NLRC4: variants seen among roughly 807,000 people sequenced by gnomAD.
NLRC4 encodes NLR family CARD domain-containing protein 4.
NLRC4 carries 63 observed loss-of-function variants against 79.9 expected under a neutral mutation model. The ratio of observed to expected loss-of-function variants is 0.79; its 90% CI spans 0.64 to 0.97. The LOEUF (loss-of-function observed/expected upper bound fraction) is 0.97. Among genes scored for constraint, NLRC4 ranks in the 50% least tolerant of loss-of-function variants. NLRC4 has a pLI of 0.00. For missense variants in NLRC4, 1,074 were observed against 1,215.2 expected, an observed-to-expected ratio of 0.88 and a Z score of 1.73; for synonymous variants, 461 against 456.5, an observed-to-expected ratio of 1.01 and a Z score of -0.12.
At chr2:32,246,198 TAAATA>T (rs1392695244) in intron 4 of NLRC4, among the ~76,000 whole-genome samples, 1 of 151,998 alleles carries the variant, frequency 6.6e-6, no homozygotes, top group East Asian at 1.9e-4. Flanking sequence ...AAATAATAAT[TAAATA>T]AAGTAAATAC....
At chr2:32,238,455 C>CTT (rs1211645035) in intron 5 of NLRC4, among the ~76,000 whole-genome samples, 153 bp from the exon 6 acceptor site, 1 of 152,154 alleles carries the variant, frequency 6.6e-6, no homozygotes, top group Non-Finnish European at 1.5e-5. Flanking sequence ...TCAACGAGAG[C>CTT]TTTTTTTCTT....
At chr2:32,261,953 C>G (rs540484926) in intron 1 of NLRC4, among the ~76,000 whole-genome samples, 3 of 151,748 alleles carry the variant, frequency 2.0e-5, no homozygotes, top group African/African-American at 7.3e-5. Flanking sequence ...TGGTGGCAGG[C>G]GCCTGTACTC....
chr2:32,247,980 A>G (rs1293786110), intron 4 of NLRC4, among the ~76,000 whole-genome samples: 8 of 152,212 alleles, frequency 5.3e-5, no homozygotes, highest in Admixed American at 5.2e-4. Context: ...ACATGGAGAT[A>G]GAAAGCAGAA....
intron 8 of NLRC4, among the ~76,000 whole-genome samples, chr2:32,226,973 A>G (rs781774596): frequency 2.2e-4 from 33 of 152,106 alleles, no homozygotes; most frequent in Non-Finnish European, 4.7e-4. Flanking sequence ...ATTTCGGCAT[A>G]TGGCCACTCA....
At chr2:32,232,761 C>T (rs906386773) in intron 8 of NLRC4, among the ~76,000 whole-genome samples, 3 of 152,124 alleles carry the variant, frequency 2.0e-5, no homozygotes, top group Admixed American at 6.5e-5. Context: ...GCGGGATCGA[C>T]GGACTGGAAG....
chr2:32,262,128 T>A (rs1687368160), intron 1 of NLRC4, among the ~76,000 whole-genome samples: 1 of 151,826 alleles, frequency 6.6e-6, no homozygotes, highest in East Asian at 1.9e-4. Flanking sequence ...TTGGGGCAGC[T>A]CAGGAGCTTA....
intron 6 of NLRC4, among the ~76,000 whole-genome samples, chr2:32,236,873 CAA>C (rs2148934444): frequency 9.0e-6 from 1 of 110,990 alleles, no homozygotes; most frequent in East Asian, 2.3e-4. Context: ...AGAAAAAAAA[CAA>C]ATAGCAAAAT....
At chr2:32,246,545 G>A (rs903689391) in intron 4 of NLRC4, among the ~76,000 whole-genome samples, 2 of 152,244 alleles carry the variant, frequency 1.3e-5, no homozygotes, top group African/African-American at 4.8e-5. Context: ...GACTGCTACA[G>A]TTAAGTACAG....
chr2:32,228,491 A>G (rs1031896591), intron 8 of NLRC4, among the ~76,000 whole-genome samples: 12 of 152,180 alleles, frequency 7.9e-5, no homozygotes, highest in Non-Finnish European at 1.6e-4. Flanking sequence ...ATTATCAGAC[A>G]TTTGACAACA....
At chr2:32,260,095 G>A (rs1687304700) in intron 1 of NLRC4, among the ~76,000 whole-genome samples, 3 of 151,730 alleles carry the variant, frequency 2.0e-5, no homozygotes, top group Admixed American at 1.3e-4. Flanking sequence ...CGGGCATGGT[G>A]GCTCATGCCT....
intron 8 of NLRC4, among the ~76,000 whole-genome samples, chr2:32,228,823 G>A (rs1408794137): frequency 6.6e-6 from 1 of 151,618 alleles, no homozygotes; most frequent in East Asian, 1.9e-4. Flanking sequence ...GGAGTGCAGT[G>A]GTGCAATCTC....
At chr2:32,233,350 T>TATATATATATA (rs1491211096) in intron 8 of NLRC4, among the ~76,000 whole-genome samples, 64 of 24,354 alleles carry the variant, frequency 2.6e-3, no homozygotes, top group African/African-American at 3.6e-3. Context: ...TATATATATA[T>TATATATATATA]TTTTTTTTTT....
intron 8 of NLRC4, 34 bp downstream of exon 8, chr2:32,235,367 T>C: frequency 6.5e-7 from 1 of 1,547,272 alleles, no homozygotes. Flanking sequence ...AAGGGCCAAA[T>C]CCAGTTATCT....
At chr2:32,225,827 C>T (rs1017835593) in intron 8 of NLRC4, among the ~76,000 whole-genome samples, 1 of 152,102 alleles carries the variant, frequency 6.6e-6, no homozygotes, top group Non-Finnish European at 1.5e-5. Context: ...TCGGCTCATC[C>T]GAGCTCATCT....
intron 8 of NLRC4, among the ~76,000 whole-genome samples, chr2:32,225,401 TACAA>T (rs760971113): frequency 1.0e-4 from 12 of 119,088 alleles, no homozygotes; most frequent in Non-Finnish European, 1.4e-4. Flanking sequence ...CACACATACA[TACAA>T]AGGATGTGTG....
chr2:32,255,589 A>T (rs554234207), intron 2 of NLRC4, among the ~76,000 whole-genome samples: 5 of 152,046 alleles, frequency 3.3e-5, no homozygotes, highest in African/African-American at 1.2e-4. Flanking sequence ...ACACAAGTTC[A>T]CAGCCTAGCC....
intron 1 of NLRC4, among the ~76,000 whole-genome samples, chr2:32,259,243 G>A (rs1431032884): frequency 9.0e-6 from 1 of 110,942 alleles, no homozygotes; most frequent in Admixed American, 9.4e-5. Context: ...CCGCAGGTGT[G>A]TGCCACCATG....
At chr2:32,254,862 C>T (rs1687168459) in intron 2 of NLRC4, among the ~76,000 whole-genome samples, 1 of 151,756 alleles carries the variant, frequency 6.6e-6, no homozygotes, top group Non-Finnish European at 1.5e-5. Context: ...AGGTGATCTG[C>T]CCGTCTCAGC....
At chr2:32,240,789 G>A (rs993607968) in intron 5 of NLRC4, among the ~76,000 whole-genome samples, 1 of 152,092 alleles carries the variant, frequency 6.6e-6, no homozygotes, top group Admixed American at 6.6e-5. Flanking sequence ...CCAGGGAGAC[G>A]GAAGTTAAAA....
Sources: gnomAD v4.1 joint callset for allele counts (sites outside exome capture counted in the v4.1 genomes callset) on GRCh38, gnomAD v4.1.1 for gene constraint, MANE v1.5 for transcripts, NCBI Gene and HGNC (gene_info 2026-07-23, HGNC 2026-07-21) for gene names.